DLGAP2: variants seen among roughly 807,000 people sequenced by gnomAD.
The protein encoded by DLGAP2 is DLG associated protein 2.
A neutral mutation model predicts 100.3 loss-of-function variants in DLGAP2; 26 were observed. The ratio of observed to expected loss-of-function variants is 0.26; its 90% CI spans 0.19 to 0.36. The LOEUF is 0.36. Ranked by LOEUF, DLGAP2 falls within the 10% of genes least tolerant of loss-of-function variation. DLGAP2 has a pLI of 1.00. For synonymous variants in DLGAP2, 886 were observed against 630.1 expected (o/e 1.41, Z -6.08); for missense variants, 1,858 against 1,453.2 (o/e 1.28, Z -4.53).
At position 1,364,152 on chromosome 8, in the gene DLGAP2, C is replaced by T. The variant is rs893835318; in HGVS notation, c.106+105269C>T. Among the ~76,000 whole-genome samples the T allele has an allele frequency of 2.6e-4, 39 of 152,360 alleles. No individual in the cohort carries two copies. In the South Asian group the frequency reaches 3.9e-3, roughly 15 times the overall value. ...CTCCTGAGCCCGTCTCCCGTGCCTCCTCCCACTGGATGACATGTTGCATCG... is the reference window on the plus strand; with the variant it reads ...CTCCTGAGCCCGTCTCCCGTGCCTCTTCCCACTGGATGACATGTTGCATCG... On this transcript the variant is annotated intron_variant, in intron 3 of 14. Transcript: ENST00000637795.
intron 3 of DLGAP2, among the ~76,000 whole-genome samples, chr8:1,466,729 T>A (rs568483292): frequency 1.3e-5 from 2 of 152,006 alleles, no homozygotes; most frequent in Non-Finnish European, 2.9e-5. Context: ...CAGCTCTCAG[T>A]GAGAGGAAGG....
At chr8:965,319 T>C (rs1376630640) in intron 2 of DLGAP2, among the ~76,000 whole-genome samples, 29 of 73,140 alleles carry the variant, frequency 4.0e-4, no homozygotes, top group African/African-American at 1.5e-3. Flanking sequence ...GTCTGACCCC[T>C]GCGCTGCACA....
chr8:1,145,081 C>A (rs1796583874), intron 2 of DLGAP2, among the ~76,000 whole-genome samples: 3 of 152,216 alleles, frequency 2.0e-5, no homozygotes, highest in Non-Finnish European at 2.9e-5. Context: ...TAGTAGGTGG[C>A]CAAGGGACCA....
chr8:1,303,947 C>G (rs1011782470), intron 3 of DLGAP2, among the ~76,000 whole-genome samples: 1 of 152,176 alleles, frequency 6.6e-6, no homozygotes, highest in African/African-American at 2.4e-5. Context: ...CGCTGATGCA[C>G]TCTCACAGAA....
chr8:928,145 G>T (rs1798858881), intron 2 of DLGAP2, among the ~76,000 whole-genome samples: 1 of 152,172 alleles, frequency 6.6e-6, no homozygotes, highest in Non-Finnish European at 1.5e-5. Flanking sequence ...GAGAATTTCT[G>T]GTCATGTCAT....
intron 3 of DLGAP2, among the ~76,000 whole-genome samples, chr8:1,449,549 C>A (rs1437315754): frequency 1.3e-5 from 2 of 152,196 alleles, no homozygotes; most frequent in Non-Finnish European, 2.9e-5. Flanking sequence ...ACCACAGCCA[C>A]TGAGTCCTGT....
intron 4 of DLGAP2, among the ~76,000 whole-genome samples, chr8:1,535,855 C>G (rs1434182484): frequency 6.6e-6 from 1 of 152,140 alleles, no homozygotes; most frequent in Non-Finnish European, 1.5e-5. Context: ...TCTCAGGTCC[C>G]AAGCCTGGAT....
Position 1,501,391 on chromosome 8 carries a change from G to T in DLGAP2, c.132G>T (p.Gln44His), listed in dbSNP as rs1025355525. 8 of 1,535,744 alleles carry T rather than the reference G, an allele frequency of 5.2e-6. No individual in the cohort carries two copies. The highest frequency in any genetic ancestry group is 3.9e-5 in the Admixed American group (2 of 50,978). Residue 44 changes from glutamine (Q) to histidine (H), a missense_variant, in exon 4 of 15, where the codon CAG becomes CAT. Physicochemically the swap from Gln to His is conservative, Grantham distance 24 (BLOSUM62 0). Transcript: ENST00000637795. ...AGGAAGAAGCTGGAGACTTGGTCCA[G>T]CCGGGCATCAGCTTTCCGGGGCCGG... ...PEEEEAGDLV[Q>H]PGISFPGPAE...
Position 1,436,516 on chromosome 8 carries a change from C to G in DLGAP2, c.107-64850C>G, listed in dbSNP as rs372931206. Among the ~76,000 whole-genome samples, 235 of 152,336 alleles carry G rather than the reference C, an allele frequency of 1.5e-3. 1 individual carries two copies. Among genetic ancestry groups the G allele is most frequent in the African/African-American group, 5.4e-3 (223 of 41,570 alleles). ...AGTGTTAATCTCCTTTGGAAACACC[C>G]TCACAGACAACCCAGGACAATACTT... On this transcript the variant is annotated intron_variant, in intron 3 of 14. Coordinates refer to ENST00000637795, the MANE Select transcript of DLGAP2 (RefSeq NM_001346810.2).
intron 6 of DLGAP2, among the ~76,000 whole-genome samples, chr8:1,582,511 C>T (rs1339508651): frequency 6.8e-6 from 1 of 147,982 alleles, no homozygotes; most frequent in Non-Finnish European, 1.5e-5. Context: ...AAAAGTCATC[C>T]TTAGGAAAAA....
chr8:913,434 C>A (rs879694902), intron 2 of DLGAP2, among the ~76,000 whole-genome samples: 2 of 152,196 alleles, frequency 1.3e-5, no homozygotes, highest in Non-Finnish European at 2.9e-5. Context: ...CAACAGTTTG[C>A]GATAGCTGCT....
intron 2 of DLGAP2, among the ~76,000 whole-genome samples, chr8:1,202,024 CAT>C (rs1797887450): frequency 6.7e-6 from 1 of 149,160 alleles, no homozygotes; most frequent in African/African-American, 2.5e-5. Context: ...TGTCTATGTA[CAT>C]GTGTGCACAT....
At chr8:1,299,717 A>G (rs998461603) in intron 3 of DLGAP2, among the ~76,000 whole-genome samples, 2 of 152,208 alleles carry the variant, frequency 1.3e-5, no homozygotes, top group Non-Finnish European at 2.9e-5. Flanking sequence ...GCTCCTCAGA[A>G]TAAAACCAAA....
At chr8:1,155,250 G>C (rs1796760100) in intron 2 of DLGAP2, among the ~76,000 whole-genome samples, 1 of 152,102 alleles carries the variant, frequency 6.6e-6, no homozygotes, top group Non-Finnish European at 1.5e-5. Context: ...ATGACTTGTC[G>C]CTTCTTCTTC....
intron 3 of DLGAP2, among the ~76,000 whole-genome samples, chr8:1,324,187 A>T (rs555000033): frequency 2.6e-5 from 4 of 152,230 alleles, no homozygotes; most frequent in Non-Finnish European, 5.9e-5. Flanking sequence ...AGTTGCTTCA[A>T]ACATGATTCA....
chr8:1,054,029 C>T (rs2701903), intron 2 of DLGAP2, among the ~76,000 whole-genome samples: 64,933 of 151,974 alleles, frequency 0.43, 14,142 homozygotes, highest in African/African-American at 0.51. Context: ...TTCCTTTTCC[C>T]GGTCAGATTC....
chr8:1,646,025 G>A (rs1249001026), intron 8 of DLGAP2, among the ~76,000 whole-genome samples: 2 of 152,166 alleles, frequency 1.3e-5, no homozygotes, highest in Non-Finnish European at 2.9e-5. Flanking sequence ...TGTGATGGTG[G>A]AGTTCATGTG....
intron 2 of DLGAP2, among the ~76,000 whole-genome samples, chr8:1,136,246 C>A (rs1308440237): frequency 6.6e-6 from 1 of 152,222 alleles, no homozygotes; most frequent in Non-Finnish European, 1.5e-5. Flanking sequence ...TGACCTCACA[C>A]CTGGCCTCAA....
At chr8:1,349,622 T>C (rs1801659302) in intron 3 of DLGAP2, among the ~76,000 whole-genome samples, 1 of 80,578 alleles carries the variant, frequency 1.2e-5, no homozygotes, top group African/African-American at 3.9e-5. Flanking sequence ...ACGCATGTCA[T>C]GAGCCTCCCG....
Sources: allele counts gnomAD v4.1 joint callset (sites outside exome capture counted in the v4.1 genomes callset), GRCh38; gene constraint gnomAD v4.1.1; transcripts MANE v1.5; gene names NCBI Gene and HGNC (gene_info 2026-07-23, HGNC 2026-07-21).